The following JCAD variants were observed in gnomAD, a reference collection of about 807,000 sequenced individuals.
JCAD encodes the protein junctional cadherin 5-associated protein.
Under a neutral mutation model 98.0 loss-of-function variants are expected in JCAD, and 40 were observed. The observed-to-expected ratio is 0.41, with a 90% CI of 0.32 to 0.53. JCAD has a LOEUF of 0.53. Among genes scored for constraint, JCAD ranks in the 20% least tolerant of loss-of-function variants. The pLI is 0.31. For missense variants in JCAD, 1,705 were observed against 1,738.1 expected (o/e 0.98, Z 0.34); for synonymous variants, 691 against 682.3 (o/e 1.01, Z -0.20).
intron 1 of JCAD, among the ~76,000 whole-genome samples, chr10:30,096,904 T>C (rs1838377961): frequency 6.6e-6 from 1 of 152,206 alleles, no homozygotes; most frequent in African/African-American, 2.4e-5. Context: ...TGAGCATTTC[T>C]TCAATAGCAT....
At chr10:30,099,028 T>G (rs1169428854) in intron 1 of JCAD, among the ~76,000 whole-genome samples, 7 of 152,238 alleles carry the variant, frequency 4.6e-5, no homozygotes, top group African/African-American at 1.7e-4. Context: ...ATTACTTAGA[T>G]AGCTGCATTA....
intron 1 of JCAD, among the ~76,000 whole-genome samples, chr10:30,055,335 A>G (rs1280966524): frequency 6.6e-6 from 1 of 152,258 alleles, no homozygotes; most frequent in East Asian, 1.9e-4. Flanking sequence ...ATTTAGGTCT[A>G]ATGCTATGAT....
At chr10:30,047,463 T>C in intron 2 of JCAD, 69 bp downstream of exon 2, 2 of 1,524,262 alleles carry the variant, frequency 1.3e-6, no homozygotes, top group African/African-American at 1.4e-5. Context: ...TTGAAAGAGT[T>C]TACCTACACA....
In JCAD at chr10:30,026,806, G is replaced by C. The variant is rs749124718; in HGVS notation, c.3342C>G (p.Pro1114=). ...ACTCTGGGGTGCAGGCACTTGCATC[G>C]GGCTCAGCAGGCTGGTTCTGTCCCG... ...RRAGQNQPAE[P]DASACTPESP... Residue 1114 remains proline, a synonymous_variant, in exon 3 of 4, where the codon CCC becomes CCG. Transcript: ENST00000375377. 4 of 1,613,880 alleles carry C rather than the reference G, an allele frequency of 2.5e-6. No homozygotes were observed. The highest frequency in any genetic ancestry group is 8.5e-7 in the Non-Finnish European group (1 of 1,180,042).
rs201438568 is a variant in JCAD, at chr10:30,028,783, G to A, written c.1365C>T (p.Ser455=). The change falls in exon 3 of 4, where the codon TCC becomes TCT. Residue 455 remains serine (S), a synonymous_variant. Transcript: ENST00000375377. The part of the protein sequence containing the change: ...DIKLDDKSYN[S]SPVTAQEPAH... The stretch of plus-strand genomic sequence containing the variant: ...CCGGCTCTTGAGCAGTGACAGGACT[G>A]GAGTTATATGATTTATCGTCAAGCT... 1,612 of 1,614,216 alleles carry A rather than the reference G, an allele frequency of 1.0e-3. 1 individual carries two copies. The highest frequency in any genetic ancestry group is 1.1e-3 in the Non-Finnish European group (1,337 of 1,180,046).
intron 2 of JCAD, among the ~76,000 whole-genome samples, chr10:30,031,230 A>C (rs1420834257): frequency 6.6e-6 from 1 of 151,986 alleles, no homozygotes; most frequent in Admixed American, 6.6e-5. Flanking sequence ...GGGCTCAAGC[A>C]ATCCTTCCAC....
chr10:30,032,791 G>A (rs1348909077), intron 2 of JCAD, among the ~76,000 whole-genome samples: 1 of 152,100 alleles, frequency 6.6e-6, no homozygotes. Flanking sequence ...AACATTTCCT[G>A]ACACTTGTAG....
Position 30,026,111 on chromosome 10 carries a change from CAGA to C in JCAD, c.4034_4036del (p.Phe1345del). The C allele has an allele frequency of 6.2e-7, 1 of 1,614,150 alleles. No homozygotes were observed. The highest frequency in any genetic ancestry group is 8.5e-7 in the Non-Finnish European group (1 of 1,180,018). On this transcript the variant is annotated inframe_deletion, in exon 3 of 4. Transcript: ENST00000375377. ...TCTGCCTGATTCCTCACCTGGGCAC[CAGA>C]AGTCTTGATCCATGCTCTTCTCCTT...
chr10:30,103,705 A>G (rs906256045), intron 1 of JCAD, among the ~76,000 whole-genome samples: 15 of 150,638 alleles, frequency 1.0e-4, no homozygotes, highest in Non-Finnish European at 1.6e-4. Context: ...TAACCTACTG[A>G]TAATAAACAG....
chr10:30,044,630 C>T, intron 2 of JCAD, among the ~76,000 whole-genome samples: 1 of 150,066 alleles, frequency 6.7e-6, no homozygotes, highest in Non-Finnish European at 1.5e-5. Context: ...CTGACAGCAC[C>T]ATTTATTCAT....
In JCAD at chr10:30,026,628, C is replaced by G; in HGVS notation, c.3520G>C (p.Glu1174Gln). 6.2e-7 allele frequency: 1 copy of G among 1,613,492 alleles called. No homozygotes were observed. The highest frequency in any genetic ancestry group is 8.5e-7 in the Non-Finnish European group (1 of 1,180,022). Residue 1174 changes from glutamate (E) to glutamine (Q), a missense_variant, in exon 3 of 4, where the codon GAG (glutamate) becomes CAG (glutamine). Physicochemically the swap from Glu to Gln is conservative, Grantham distance 29. Coordinates refer to ENST00000375377, the MANE Select transcript of JCAD (RefSeq NM_020848.4). ...DSARRAPQAF[E>Q]HSDVDGVVTS... ...ACAACCCCGTCCACATCTGAGTGCT[C>G]AAAAGCCTGAGGAGCCCGCCTGGCA... is the stretch of plus-strand genomic sequence containing the variant.
chr10:30,107,831 A>G (rs1373370739), intron 1 of JCAD, among the ~76,000 whole-genome samples: 2 of 152,150 alleles, frequency 1.3e-5, no homozygotes, highest in African/African-American at 2.4e-5. Context: ...CTGAAGCCCC[A>G]TCATTTCAGA....
intron 2 of JCAD, among the ~76,000 whole-genome samples, chr10:30,068,884 C>T (rs566410011): frequency 9.8e-5 from 15 of 152,348 alleles, no homozygotes; most frequent in African/African-American, 3.6e-4. Flanking sequence ...TCTCTCCTTG[C>T]CTTTCCTGTG....
chr10:30,040,280 A>G lies in JCAD; in HGVS notation c.281+7252T>C, dbSNP rs1054736509. On this transcript the variant is annotated intron_variant, in intron 2 of 3. Transcript: ENST00000375377. ...ACACCCATTTCCACAATACGGATGCAGAACAAACCAGTATTTCATTTATTA... is the reference window on the plus strand; with the variant it reads ...ACACCCATTTCCACAATACGGATGCGGAACAAACCAGTATTTCATTTATTA... Among the ~76,000 whole-genome samples the G allele has an allele frequency of 3.9e-5, 6 of 152,246 alleles. No homozygotes were observed. In the East Asian group the frequency reaches 1.2e-3, roughly 29 times the overall value.
chr10:30,098,297 G>A (rs1488593107), intron 1 of JCAD, among the ~76,000 whole-genome samples: 1 of 152,026 alleles, frequency 6.6e-6, no homozygotes, highest in Non-Finnish European at 1.5e-5. Flanking sequence ...CTTCTATCTA[G>A]AAGGTTTCTT....
chr10:30,027,930 C>A lies in JCAD; in HGVS notation c.2218G>T (p.Asp740Tyr), dbSNP rs1344004077. 1 of 1,614,222 alleles carries A rather than the reference C, an allele frequency of 6.2e-7. No homozygotes were observed. The highest frequency in any genetic ancestry group is 2.2e-5 in the East Asian group (1 of 44,880). ...CGGGCACTTGGCCTCTGTTTGTGATCACCGGTAGGGAATGCTGTGTGCGTC... is the reference window on the plus strand; with the variant it reads ...CGGGCACTTGGCCTCTGTTTGTGATAACCGGTAGGGAATGCTGTGTGCGTC... Reference protein sequence around the residue: ...AQTHTAFPTGDHKQRPSARNL... With the variant: ...AQTHTAFPTGYHKQRPSARNL... Residue 740 changes from aspartate (D) to tyrosine (Y), a missense_variant, in exon 3 of 4, where the codon GAT (aspartate) becomes TAT (tyrosine). Around this residue, in one of 3 missense-constraint regions of JCAD, gnomAD observed 1,278 missense variants for 1,243.1 expected, o/e 1.03. Coordinates refer to ENST00000375377, the MANE Select transcript of JCAD (RefSeq NM_020848.4).
intron 1 of JCAD, among the ~76,000 whole-genome samples, chr10:30,053,197 TTG>T (rs1440590108): frequency 3.3e-5 from 5 of 151,948 alleles, no homozygotes; most frequent in Admixed American, 2.0e-4. Context: ...GTTCTCCTGT[TTG>T]TGTGTGTATA....
intron 1 of JCAD, among the ~76,000 whole-genome samples, chr10:30,114,040 G>A (rs967254543): frequency 1.3e-5 from 2 of 152,074 alleles, no homozygotes; most frequent in African/African-American, 4.8e-5. Context: ...TGGGCACTTA[G>A]CCCCCTCTGT....
chr10:30,029,953 G>A, intron 2 of JCAD, 87 bp from the exon 3 acceptor site: 1 of 1,426,598 alleles, frequency 7.0e-7, no homozygotes, highest in Non-Finnish European at 9.3e-7. Flanking sequence ...TCAAACTCAG[G>A]TCAGCAACTT....
Sources: allele counts gnomAD v4.1 joint callset (sites outside exome capture counted in the v4.1 genomes callset), GRCh38; gene constraint gnomAD v4.1.1; regional missense constraint gnomAD v4.1.1; transcripts MANE v1.5; gene names NCBI Gene and HGNC (gene_info 2026-07-23, HGNC 2026-07-21).